RIMS4: variants seen among roughly 807,000 people sequenced by gnomAD.
The protein encoded by RIMS4 is regulating synaptic membrane exocytosis protein 4.
A neutral mutation model predicts 29.0 loss-of-function variants in RIMS4; 9 were observed. That is an observed-to-expected ratio of 0.31 (90% CI 0.19 to 0.54). The LOEUF (loss-of-function observed/expected upper bound fraction) is 0.54. RIMS4 is among the 20% of genes least tolerant of loss of function. RIMS4 has a pLI of 0.94. For synonymous variants in RIMS4, 130 were observed against 152.9 expected (o/e 0.85, Z 1.10); for missense variants, 193 against 365.7 (o/e 0.53, Z 3.85).
intron 1 of RIMS4, among the ~76,000 whole-genome samples, chr20:44,801,767 G>C (rs2066278315): frequency 6.6e-6 from 1 of 152,172 alleles, no homozygotes; most frequent in African/African-American, 2.4e-5. Flanking sequence ...GCAGGCAGCA[G>C]CTGAGACTCA....
At position 44,771,433 on chromosome 20, in the gene RIMS4, A is replaced by G. The variant is rs1021128225; in HGVS notation, c.98-20T>C. On this transcript the variant is annotated intron_variant, in intron 1 of 5. Coordinates refer to ENST00000372851, the MANE Select transcript of RIMS4 (RefSeq NM_182970.4). ...TGTCCCCTTCTGGGCAAAGCGGCCA[A>G]GAGAGATGGGAAGAGAGACACAGGT... The G allele has an allele frequency of 1.2e-6, 2 of 1,601,004 alleles. No individual in the cohort carries two copies. The highest frequency in any genetic ancestry group is 1.1e-5 in the South Asian group (1 of 90,660).
At chr20:44,800,404 C>T (rs2066272898) in intron 1 of RIMS4, among the ~76,000 whole-genome samples, 1 of 152,002 alleles carries the variant, frequency 6.6e-6, no homozygotes, top group African/African-American at 2.4e-5. Flanking sequence ...AAGCTGATAA[C>T]AGTGCTTGTA....
At chr20:44,757,341 A>AT (rs2066065042) in intron 4 of RIMS4, among the ~76,000 whole-genome samples, 1 of 151,028 alleles carries the variant, frequency 6.6e-6, no homozygotes, top group Non-Finnish European at 1.5e-5. Flanking sequence ...TGGCTTATGC[A>AT]TCTATCTGCT....
At chr20:44,793,212 A>C (rs1398295799) in intron 1 of RIMS4, among the ~76,000 whole-genome samples, 3 of 152,204 alleles carry the variant, frequency 2.0e-5, no homozygotes, top group East Asian at 3.8e-4. Context: ...CCCCTCCAAG[A>C]TTGTGCGGCC....
At chr20:44,762,811 C>T (rs551455192) in intron 2 of RIMS4, among the ~76,000 whole-genome samples, 18 of 152,300 alleles carry the variant, frequency 1.2e-4, no homozygotes, top group African/African-American at 4.1e-4. Flanking sequence ...CCCTGGAGTA[C>T]ACAAGAAGGC....
intron 1 of RIMS4, among the ~76,000 whole-genome samples, chr20:44,786,453 C>G (rs760524334): frequency 1.3e-5 from 2 of 152,190 alleles, no homozygotes; most frequent in Non-Finnish European, 2.9e-5. Context: ...CCTGCTGCAC[C>G]CTGTATTTGT....
At chr20:44,785,230 C>CT (rs530864017) in intron 1 of RIMS4, among the ~76,000 whole-genome samples, 2,051 of 142,794 alleles carry the variant, frequency 0.014, 9 homozygotes, top group Admixed American at 0.021. Flanking sequence ...CATTCTTCTT[C>CT]TTTTTTTTTT....
intron 1 of RIMS4, among the ~76,000 whole-genome samples, chr20:44,802,234 C>T (rs1345149226): frequency 6.6e-6 from 1 of 152,182 alleles, no homozygotes; most frequent in East Asian, 1.9e-4. Flanking sequence ...TCCATTAATC[C>T]TCATAGCAAA....
chr20:44,805,350 C>T (rs892254658), intron 1 of RIMS4, among the ~76,000 whole-genome samples: 1 of 152,160 alleles, frequency 6.6e-6, no homozygotes, highest in Non-Finnish European at 1.5e-5. Flanking sequence ...TGCGTCCACA[C>T]TCTCACCCCA....
chr20:44,793,434 C>T (rs1484664235), intron 1 of RIMS4, among the ~76,000 whole-genome samples: 1 of 152,144 alleles, frequency 6.6e-6, no homozygotes, highest in Non-Finnish European at 1.5e-5. Flanking sequence ...CATGGTCCAC[C>T]CTTTCTCCCT....
intron 2 of RIMS4, among the ~76,000 whole-genome samples, chr20:44,764,142 GCA>G (rs2066100602): frequency 1.6e-4 from 17 of 104,822 alleles, no homozygotes; most frequent in South Asian, 3.4e-4. Context: ...ATCCATTTAT[GCA>G]TCCATTTATC....
At chr20:44,790,776 C>T (rs2066229413) in intron 1 of RIMS4, among the ~76,000 whole-genome samples, 1 of 152,208 alleles carries the variant, frequency 6.6e-6, no homozygotes, top group Non-Finnish European at 1.5e-5. Context: ...ACAAATTCTC[C>T]CCGCCACTGT....
intron 1 of RIMS4, among the ~76,000 whole-genome samples, chr20:44,784,551 G>A (rs780283731): frequency 1.6e-4 from 24 of 152,188 alleles, no homozygotes; most frequent in Non-Finnish European, 2.5e-4. Flanking sequence ...GCTCATCCAC[G>A]TCCCAAAACT....
chr20:44,757,908 C>A, intron 3 of RIMS4, 137 bp from the exon 4 acceptor site: 2 of 958,444 alleles, frequency 2.1e-6, no homozygotes, highest in Non-Finnish European at 3.2e-6. Context: ...CAACTCCCAC[C>A]AAGTGCCTAG....
At chr20:44,776,833 T>C (rs1374899235) in intron 1 of RIMS4, among the ~76,000 whole-genome samples, 1 of 152,190 alleles carries the variant, frequency 6.6e-6, no homozygotes, top group Non-Finnish European at 1.5e-5. Flanking sequence ...AACCATGAGA[T>C]AGCTACTGCC....
intron 1 of RIMS4, among the ~76,000 whole-genome samples, chr20:44,789,487 AG>A (rs1401263631): frequency 1.1e-4 from 16 of 151,954 alleles, no homozygotes; most frequent in African/African-American, 3.4e-4. Flanking sequence ...TAGTAGAGAC[AG>A]GGTTTCACCA....
chr20:44,777,972 G>C (rs937966596), intron 1 of RIMS4, among the ~76,000 whole-genome samples: 7 of 152,216 alleles, frequency 4.6e-5, no homozygotes, highest in African/African-American at 1.7e-4. Flanking sequence ...TACTCTTCCT[G>C]TATCTCTGAG....
chr20:44,808,420 CTCTGATGCT>C, intron 1 of RIMS4, among the ~76,000 whole-genome samples: 1 of 152,302 alleles, frequency 6.6e-6, no homozygotes, highest in East Asian at 1.9e-4. Context: ...CCGCTCCTGC[CTCTGATGCT>C]CCTACAAACC....
rs143783260 is a variant in RIMS4 at position 44,756,861 on chromosome 20, G to GCA, written c.591+35_591+36dup. 2.0e-4 allele frequency: 321 copies of GCA among 1,566,696 alleles called. No homozygotes were observed. The highest frequency in any genetic ancestry group is 5.9e-4 in the South Asian group (51 of 86,618). On this transcript the variant is annotated intron_variant, in intron 5 of 5. Coordinates refer to ENST00000372851, the MANE Select transcript of RIMS4 (RefSeq NM_182970.4). The surrounding 1 kb of genome is among the most constrained non-coding windows in gnomAD (Gnocchi z 5.9). ...TCTGGTACTGTGCATGTGTGCTCGT[G>GCA]CACACACACACACGTGAGCGCGTCA...
Sources: allele counts gnomAD v4.1 joint callset (sites outside exome capture counted in the v4.1 genomes callset), GRCh38; gene constraint gnomAD v4.1.1; non-coding constraint Gnocchi (gnomAD v3.1); transcripts MANE v1.5; gene names NCBI Gene and HGNC (gene_info 2026-07-23, HGNC 2026-07-21).